Variants in SF3B1 observed in about 807,000 individuals in gnomAD.
SF3B1 encodes the protein pre-mRNA processing 10.
Under a neutral mutation model 153.8 loss-of-function variants are expected in SF3B1, and 12 were observed. The observed-to-expected ratio is 0.08, with a 90% confidence interval of 0.05 to 0.13. The LOEUF (loss-of-function observed/expected upper bound fraction) is 0.13, where lower values mean the gene tolerates loss of function less well. Among genes scored for constraint, SF3B1 ranks in the 10% least tolerant of loss-of-function variants. The pLI is 1.00. For synonymous variants in SF3B1, 498 were observed against 525.2 expected (o/e 0.95, Z 0.71); for missense variants, 513 against 1,606.1 (o/e 0.32, Z 11.63).
At chr2:197,413,995 C>T (rs2085110740) in intron 6 of SF3B1, among the ~76,000 whole-genome samples, 3 of 151,858 alleles carry the variant, frequency 2.0e-5, no homozygotes, top group African/African-American at 7.3e-5. Context: ...TAACTAGAGT[C>T]GGGGTTTTCA....
rs1257929678 is a variant in SF3B1 at position 197,402,111 on chromosome 2, C to T, written c.2097G>A (p.Gln699=). 7 of 1,604,434 alleles carry T rather than the reference C, an allele frequency of 4.4e-6. No homozygotes were observed. Among genetic ancestry groups the T allele is most frequent in the Non-Finnish European group, 6.0e-6 (7 of 1,174,490 alleles). Residue 699 remains glutamine (Q), a synonymous_variant, in exon 15 of 25, where the codon CAG becomes CAA. Transcript: ENST00000335508. This position sits in a 1 kb window ranked among gnomAD's most constrained non-coding sequence, Gnocchi z 4.6. The stretch of plus-strand genomic sequence containing the variant: ...CCAAAGCACTGATGGTCCGAACTTT[C>T]TGCTGCTCATCCACAAGACCTACAA... ...IIEHGLVDEQ[Q]KVRTISALAI... is the part of the protein sequence containing the mutation.
intron 1 of SF3B1, among the ~76,000 whole-genome samples, chr2:197,429,783 CA>C (rs199999089): frequency 0.18 from 23,482 of 131,218 alleles, 1,982 homozygotes; most frequent in Middle Eastern, 0.31. Context: ...GACTCTGTCT[CA>C]AAAAAAAAAA....
chr2:197,402,444 G>A lies in SF3B1; in HGVS notation c.2077+112C>T. On this transcript the variant is annotated intron_variant, in intron 14 of 24. Coordinates refer to ENST00000335508, the MANE Select transcript of SF3B1 (RefSeq NM_012433.4). This position sits in a 1 kb window ranked among gnomAD's most constrained non-coding sequence, Gnocchi z 4.6. ...ACCTCTAGTCCCAACTACTAAGGAG[G>A]CTGAGCAGGAGGATCACTTGAGCCC... 1 of 910,348 alleles carries A rather than the reference G, an allele frequency of 1.1e-6. No homozygotes were observed. Among genetic ancestry groups the A allele is most frequent in the Non-Finnish European group, 1.6e-6 (1 of 610,398 alleles). 56.4% of individuals were successfully genotyped at this position (910,348 alleles called of 1,614,324 possible).
intron 1 of SF3B1, among the ~76,000 whole-genome samples, chr2:197,431,094 G>T (rs1195438475): frequency 7.0e-6 from 1 of 142,492 alleles, no homozygotes; most frequent in African/African-American, 2.6e-5. Context: ...CCCCTCCTGT[G>T]CCTTTTCTTC....
In SF3B1 at chr2:197,416,863, T is replaced by G. The variant is rs1339393802; in HGVS notation, c.544A>C (p.Lys182Gln). The G allele has an allele frequency of 6.2e-7, 1 of 1,614,158 alleles. No individual in the cohort carries two copies. Among genetic ancestry groups the G allele is most frequent in the Non-Finnish European group, 8.5e-7 (1 of 1,179,980 alleles). ...GACGCTGCTGCTCCATTGACGACTT[T>G]TAGTTCTCCAGCTTTAGCTTTTTCT... ...LAEKAKAGELKVVNGAAASQP... is the reference protein window; with the variant it reads ...LAEKAKAGELQVVNGAAASQP... The change falls in exon 6 of 25, where the codon AAA (lysine) becomes CAA (glutamine). Residue 182 changes from lysine (K) to glutamine (Q), a missense_variant. By Grantham distance (53) the Lys-to-Gln change is moderately conservative. Around this residue, in one of 21 missense-constraint regions of SF3B1, gnomAD observed 45 missense variants for 65.5 expected, o/e 0.69. Transcript: ENST00000335508.
chr2:197,412,563 G>A (rs1043681477), intron 6 of SF3B1, among the ~76,000 whole-genome samples: 1 of 151,606 alleles, frequency 6.6e-6, no homozygotes, highest in African/African-American at 2.4e-5. Flanking sequence ...CACCATGTTG[G>A]CCAGGATGGT....
intron 23 of SF3B1, among the ~76,000 whole-genome samples, chr2:197,395,060 T>C (rs2084860613): frequency 6.6e-6 from 1 of 152,258 alleles, no homozygotes; most frequent in South Asian, 2.1e-4. Context: ...TATTCCTCAT[T>C]AATAAAATTT....
intron 6 of SF3B1, among the ~76,000 whole-genome samples, chr2:197,413,175 G>A (rs926100257): frequency 6.6e-6 from 1 of 151,826 alleles, no homozygotes; most frequent in Admixed American, 6.6e-5. Context: ...CCAAGGTGGG[G>A]GGATCACTTG....
At chr2:197,416,384 T>C (rs2085149261) in intron 6 of SF3B1, among the ~76,000 whole-genome samples, 1 of 152,132 alleles carries the variant, frequency 6.6e-6, no homozygotes, top group Admixed American at 6.5e-5. Flanking sequence ...TAACCCCCAG[T>C]GTGACTGTAT....
chr2:197,415,207 C>T (rs1305304174), intron 6 of SF3B1, among the ~76,000 whole-genome samples: 1 of 149,494 alleles, frequency 6.7e-6, no homozygotes. Flanking sequence ...TGAGAGTCTC[C>T]AAGAGGGGAA....
At chr2:197,425,359 G>A (rs1009142317) in intron 1 of SF3B1, among the ~76,000 whole-genome samples, 2 of 151,886 alleles carry the variant, frequency 1.3e-5, no homozygotes, top group African/African-American at 2.4e-5. Flanking sequence ...CCAGCTACTC[G>A]GGAGGCTGAG....
intron 1 of SF3B1, among the ~76,000 whole-genome samples, chr2:197,433,832 G>A (rs1362115120): frequency 6.6e-6 from 1 of 152,160 alleles, no homozygotes; most frequent in Non-Finnish European, 1.5e-5. Flanking sequence ...ATGTTCTCAG[G>A]CTCAGATGTC....
In SF3B1 at chr2:197,400,173, TAA is replaced by T; in HGVS notation, c.2902-9_2902-8del. On this transcript the variant is annotated splice_polypyrimidine_tract_variant and splice_region_variant and intron_variant, in intron 19 of 24. Coordinates refer to ENST00000335508, the MANE Select transcript of SF3B1 (RefSeq NM_012433.4). This position sits in a 1 kb window ranked among gnomAD's most constrained non-coding sequence, Gnocchi z 5.0. ...AGTGTCCCATCAATTTTTCCTATAATAAAACAAATAATGTTAAAATGTTACTA... is the reference window on the plus strand; with the variant it reads ...AGTGTCCCATCAATTTTTCCTATAATAACAAATAATGTTAAAATGTTACTA... 6.2e-7 allele frequency: 1 copy of T among 1,605,682 alleles called. No individual in the cohort carries two copies. The highest frequency in any genetic ancestry group is 2.2e-5 in the East Asian group (1 of 44,474).
chr2:197,416,185 T>A (rs945592237), intron 6 of SF3B1, among the ~76,000 whole-genome samples: 10 of 151,496 alleles, frequency 6.6e-5, no homozygotes, highest in Admixed American at 5.3e-4. Flanking sequence ...GGAGTAGCAT[T>A]GACTATTTGC....
Position 197,410,002 on chromosome 2 carries a change from A to G in SF3B1, c.672T>C (p.Pro224=), listed in dbSNP as rs1256228336. 6.2e-7 allele frequency: 1 copy of G among 1,602,614 alleles called. No individual in the cohort carries two copies. ...KLSSWDQAET[P]GHTPSLRWDE... is the part of the protein sequence containing the mutation. ...CCCATCTTAAGGAAGGAGTATGCCC[A>G]GGGGTCTTAAAAAAGCAAAAAAATT... The change falls in exon 7 of 25, where the codon CCT becomes CCC. Residue 224 remains proline (P), a synonymous_variant. Transcript: ENST00000335508.
Position 197,416,034 on chromosome 2 carries a change from T to C in SF3B1, c.666+707A>G, listed in dbSNP as rs577158723. On this transcript the variant is annotated intron_variant, in intron 6 of 24. Coordinates refer to ENST00000335508, the MANE Select transcript of SF3B1 (RefSeq NM_012433.4). ...GGTCTCCCTCTGTTGCCCAAGCTGG[T>C]CTCAAACTCCTTGAGCTCAACCAAT... is the stretch of plus-strand genomic sequence containing the variant. 1.3e-3 allele frequency among the ~76,000 whole-genome samples: 188 copies of C among 146,910 alleles called. 3 individuals are homozygous for C. The highest frequency in any genetic ancestry group is 7.1e-3 in the Middle Eastern group (2 of 280).
At chr2:197,395,680 C>A (rs1009882578) in intron 23 of SF3B1, among the ~76,000 whole-genome samples, 6 of 152,208 alleles carry the variant, frequency 3.9e-5, no homozygotes, top group East Asian at 3.8e-4. Context: ...AGAAACCTGT[C>A]CTTTACCTGC....
chr2:197,392,871 A>C (rs1445638013), intron 24 of SF3B1, 101 bp downstream of exon 24: 1 of 693,892 alleles, frequency 1.4e-6, no homozygotes, highest in Non-Finnish European at 2.5e-6. Context: ...GCACATATAT[A>C]CCTATGTAAC....
At chr2:197,427,432 G>A (rs2085352013) in intron 1 of SF3B1, among the ~76,000 whole-genome samples, 2 of 152,212 alleles carry the variant, frequency 1.3e-5, no homozygotes. Flanking sequence ...TAAGCCGTCA[G>A]ATTCCATAAA....
Sources: gnomAD v4.1 joint callset for allele counts (sites outside exome capture counted in the v4.1 genomes callset) on GRCh38, gnomAD v4.1.1 for gene constraint, gnomAD v4.1.1 regional missense constraint, Gnocchi (gnomAD v3.1) non-coding constraint, MANE v1.5 for transcripts, NCBI Gene and HGNC (gene_info 2026-07-23, HGNC 2026-07-21) for gene names.